Variants in LINGO2 observed in about 807,000 individuals in gnomAD.
The protein encoded by LINGO2 is leucine-rich repeat and immunoglobulin-like domain-containing nogo receptor-interacting protein 2.
Under a neutral mutation model 30.6 loss-of-function variants are expected in LINGO2, and 14 were observed. That is an observed-to-expected ratio of 0.46 (90% confidence interval 0.30 to 0.72). The LOEUF is 0.72. Among genes scored for constraint, LINGO2 ranks in the 30% least tolerant of loss-of-function variants. The probability of loss-of-function intolerance (pLI) is 0.07; values close to 1 mark genes in which losing one functional copy is unlikely to be tolerated. For missense variants in LINGO2, 729 were observed against 751.7 expected, an observed-to-expected ratio of 0.97 and a Z score of 0.35; for synonymous variants, 317 against 288.5, an observed-to-expected ratio of 1.10 and a Z score of -1.00.
At chr9:28,132,419 C>T (rs747442802) in intron 4 of LINGO2, among the ~76,000 whole-genome samples, 2 of 152,100 alleles carry the variant, frequency 1.3e-5, no homozygotes, top group African/African-American at 2.4e-5. Context: ...TGCATCTGCC[C>T]ATCAAAAACA....
the LINGO2 span, among the ~76,000 whole-genome samples, chr9:29,188,172 G>C: frequency 6.6e-6 from 1 of 151,450 alleles, no homozygotes; most frequent in Non-Finnish European, 1.5e-5. Flanking sequence ...GCGGCCTTCC[G>C]CAGTGTTTGT....
At chr9:28,417,336 C>T (rs1452584861) in intron 2 of LINGO2, among the ~76,000 whole-genome samples, 1 of 152,114 alleles carries the variant, frequency 6.6e-6, no homozygotes, top group Non-Finnish European at 1.5e-5. Flanking sequence ...CTAGGTGCTA[C>T]ATTTAAATGT....
intron 1 of LINGO2, among the ~76,000 whole-genome samples, chr9:28,625,938 G>T (rs183733042): frequency 6.6e-6 from 1 of 151,826 alleles, no homozygotes. Context: ...GAGTTTTCTT[G>T]GGTAAATACC....
chr9:28,991,030 G>T, the LINGO2 span, among the ~76,000 whole-genome samples: 3 of 152,204 alleles, frequency 2.0e-5, no homozygotes, highest in African/African-American at 7.2e-5. Context: ...ACTTTGATGA[G>T]TTGAGAGAAG....
intron 2 of LINGO2, 103 bp downstream of exon 4, chr9:28,475,837 C>T (rs1006707248): frequency 2.6e-5 from 4 of 152,576 alleles, no homozygotes; most frequent in Non-Finnish European, 2.9e-5. Context: ...TCACAGGGTA[C>T]ATTTTAGAAG....
chr9:28,977,500 A>T, the LINGO2 span, among the ~76,000 whole-genome samples: 2 of 151,934 alleles, frequency 1.3e-5, no homozygotes, highest in Non-Finnish European at 2.9e-5. Flanking sequence ...TTAATTTTAT[A>T]ATAATAGCGA....
In LINGO2 at chr9:28,098,395, G is replaced by A. The variant is rs568484763; in HGVS notation, c.-86-85990C>T. ...TTAATGGGTGAATTGTATAATATGTGAATTATATATCAATAAATCTATAAC... is the reference window on the plus strand; with the variant it reads ...TTAATGGGTGAATTGTATAATATGTAAATTATATATCAATAAATCTATAAC... On this transcript the variant is annotated intron_variant, in intron 4 of 5. Transcript: ENST00000379992. 2.6e-5 allele frequency among the ~76,000 whole-genome samples: 4 copies of A among 152,208 alleles called. No homozygotes were observed. The South Asian group carries it at 8.3e-4, about 32-fold the overall frequency.
At chr9:28,487,442 A>T (rs1826216229) in intron 1 of LINGO2, among the ~76,000 whole-genome samples, 1 of 152,210 alleles carries the variant, frequency 6.6e-6, no homozygotes, top group Non-Finnish European at 1.5e-5. Context: ...TTTGGGTCAT[A>T]TGCATAACAA....
the LINGO2 span, among the ~76,000 whole-genome samples, chr9:28,774,065 CA>C: frequency 2.6e-5 from 4 of 151,682 alleles, no homozygotes; most frequent in Non-Finnish European, 5.9e-5. Flanking sequence ...CACACACACA[CA>C]CACACACACA....
At chr9:29,196,725 A>G in the LINGO2 span, among the ~76,000 whole-genome samples, 3 of 152,160 alleles carry the variant, frequency 2.0e-5, no homozygotes, top group African/African-American at 7.2e-5. Flanking sequence ...AGCTATGAAC[A>G]TATAAATGTA....
chr9:28,896,222 G>C, the LINGO2 span, among the ~76,000 whole-genome samples: 16 of 152,268 alleles, frequency 1.1e-4, no homozygotes, highest in South Asian at 6.2e-4. Flanking sequence ...AGGCAACTTT[G>C]TTGTGTTCAT....
chr9:28,168,986 C>G (rs767882709), intron 4 of LINGO2, among the ~76,000 whole-genome samples: 2 of 152,178 alleles, frequency 1.3e-5, no homozygotes, highest in Non-Finnish European at 2.9e-5. Flanking sequence ...ACTATGTTAA[C>G]TGCTTGATAT....
At chr9:29,041,068 T>A in the LINGO2 span, among the ~76,000 whole-genome samples, 12 of 152,032 alleles carry the variant, frequency 7.9e-5, no homozygotes, top group Non-Finnish European at 1.6e-4. Flanking sequence ...AAAAGTCATT[T>A]GAAGTTCACC....
At chr9:28,000,114 C>T (rs1363704778) in intron 5 of LINGO2, among the ~76,000 whole-genome samples, 1 of 152,146 alleles carries the variant, frequency 6.6e-6, no homozygotes, top group Non-Finnish European at 1.5e-5. Flanking sequence ...AAAGACTAGA[C>T]ACGAGTGAAG....
chr9:28,164,257 T>C (rs1175819288), intron 4 of LINGO2, among the ~76,000 whole-genome samples: 2 of 152,212 alleles, frequency 1.3e-5, no homozygotes, highest in African/African-American at 4.8e-5. Flanking sequence ...AGTAACTTAT[T>C]GGATATTTAC....
At chr9:28,461,293 T>C (rs1446220901) in intron 2 of LINGO2, among the ~76,000 whole-genome samples, 1 of 152,130 alleles carries the variant, frequency 6.6e-6, no homozygotes, top group African/African-American at 2.4e-5. Context: ...TAAAGTGCTA[T>C]ACAAGCAGTA....
intron 3 of LINGO2, among the ~76,000 whole-genome samples, chr9:28,336,485 C>A (rs1203969217): frequency 6.6e-6 from 1 of 151,972 alleles, no homozygotes; most frequent in Non-Finnish European, 1.5e-5. Flanking sequence ...AAACCTTTAC[C>A]TGACACTAGG....
the LINGO2 span, among the ~76,000 whole-genome samples, chr9:28,838,289 C>T: frequency 5.3e-5 from 8 of 152,012 alleles, no homozygotes; most frequent in African/African-American, 1.7e-4. Context: ...TAAACCAGTG[C>T]CATTCATTTC....
intron 3 of LINGO2, among the ~76,000 whole-genome samples, chr9:28,318,306 A>G (rs1358800414): frequency 6.6e-6 from 1 of 152,222 alleles, no homozygotes; most frequent in African/African-American, 2.4e-5. Context: ...AATACAGATC[A>G]TGAACATCAA....
Sources: allele counts gnomAD v4.1 joint callset (sites outside exome capture counted in the v4.1 genomes callset), GRCh38; gene constraint gnomAD v4.1.1; transcripts MANE v1.5; gene names NCBI Gene and HGNC (gene_info 2026-07-23, HGNC 2026-07-21).